LRP1: variants seen among roughly 807,000 people sequenced by gnomAD.
The protein encoded by LRP1 is prolow-density lipoprotein receptor-related protein 1.
Under a neutral mutation model 541.5 loss-of-function variants are expected in LRP1, and 51 were observed. The observed-to-expected ratio is 0.09, with a 90% CI of 0.08 to 0.12. LRP1 has a LOEUF of 0.12. Among genes scored for constraint, LRP1 ranks in the 10% least tolerant of loss-of-function variants. The pLI is 1.00. For synonymous variants in LRP1, 2,219 were observed against 2,470.8 expected (o/e 0.90, Z 3.02); for missense variants, 3,878 against 6,376.2 (o/e 0.61, Z 13.34).
chr12:57,160,081 AG>A (rs2035696912), intron 12 of LRP1, 76 bp downstream of exon 12: 1 of 1,470,782 alleles, frequency 6.8e-7, no homozygotes, highest in Admixed American at 1.8e-5. Context: ...TGAAATGGAC[AG>A]GGAAGCAGGG....
Position 57,158,320 on chromosome 12 carries a change from T to C in LRP1, c.1562-82T>C, listed in dbSNP as rs1209791386. On this transcript the variant is annotated intron_variant, in intron 10 of 88. Coordinates refer to ENST00000243077, the MANE Select transcript of LRP1 (RefSeq NM_002332.3). This position sits in a 1 kb window ranked among gnomAD's most constrained non-coding sequence, Gnocchi z 5.3. ...TCCTGACCCATCACAGCTAGGGCAT[T>C]GCAGCCCCTTGGCCGCAGCCCCTGG... 4 of 1,157,982 alleles carry C rather than the reference T, an allele frequency of 3.5e-6. No individual in the cohort carries two copies. Among genetic ancestry groups the C allele is most frequent in the Non-Finnish European group, 5.0e-6 (4 of 797,258 alleles). The allele number at this position is 1,157,982 out of a possible 1,614,324, so 71.7% of individuals were successfully genotyped here. A position where few individuals can be genotyped will look rare whatever the true frequency, so the allele number is the denominator to read the frequency against.
In LRP1 at chr12:57,128,532, A is replaced by G; in HGVS notation, c.-433A>G. On this transcript the variant is annotated 5_prime_UTR_variant, in exon 1 of 89. Coordinates refer to ENST00000243077, the MANE Select transcript of LRP1 (RefSeq NM_002332.3). The stretch of plus-strand genomic sequence containing the variant: ...CGAGCTCCAGGCCCATGCACTGAGG[A>G]GGCGGAAACAAGGGGAGCCCCCAGA... 4.3e-6 allele frequency: 1 copy of G among 231,592 alleles called. No homozygotes were observed. The highest frequency in any genetic ancestry group is 1.8e-4 in the South Asian group (1 of 5,558). 14.3% of individuals were successfully genotyped at this position (231,592 alleles called of 1,614,324 possible). A position where few individuals can be genotyped will look rare whatever the true frequency, so the allele number is the denominator to read the frequency against.
At chr12:57,133,154 TG>T (rs1271100653) in intron 1 of LRP1, among the ~76,000 whole-genome samples, 1 of 151,698 alleles carries the variant, frequency 6.6e-6, no homozygotes, top group African/African-American at 2.4e-5. Context: ...ATGTAAGGAG[TG>T]AGTCAAGAAC....
In LRP1 at chr12:57,179,117, G is replaced by T; in HGVS notation, c.4738+96G>T. Reference sequence around the variant, plus strand: ...GGTTGTCAGCTAAGGCAGAGTCCCAGTCGGGAGGGTCCCGATAGGAGAGGC... The same window carrying T: ...GGTTGTCAGCTAAGGCAGAGTCCCATTCGGGAGGGTCCCGATAGGAGAGGC... On this transcript the variant is annotated intron_variant, in intron 28 of 88. Coordinates refer to ENST00000243077, the MANE Select transcript of LRP1 (RefSeq NM_002332.3). The surrounding 1 kb of genome is among the most constrained non-coding windows in gnomAD (Gnocchi z 6.8). The T allele has an allele frequency of 2.0e-6, 3 of 1,501,150 alleles. No individual in the cohort carries two copies. Among genetic ancestry groups the T allele is most frequent in the South Asian group, 2.6e-5 (2 of 77,150 alleles). The allele number at this position is 1,501,150 out of a possible 1,614,324, so 93.0% of individuals were successfully genotyped here. A position where few individuals can be genotyped will look rare whatever the true frequency, so the allele number is the denominator to read the frequency against.
At position 57,166,967 on chromosome 12, in the gene LRP1, T is replaced by C; in HGVS notation, c.2835T>C (p.Ser945=). The change falls in exon 18 of 89, where the codon AGT becomes AGC. Residue 945 remains serine (S), a synonymous_variant. Coordinates refer to ENST00000243077, the MANE Select transcript of LRP1 (RefSeq NM_002332.3). The part of the protein sequence containing the change: ...TCPPNQFSCA[S]GRCIPISWTC... Reference sequence around the variant, plus strand: ...CCCCCAACCAGTTCTCCTGTGCCAGTGGCCGCTGCATCCCCATCTCCTGGA... The same window carrying C: ...CCCCCAACCAGTTCTCCTGTGCCAGCGGCCGCTGCATCCCCATCTCCTGGA... The C allele has an allele frequency of 6.2e-7, 1 of 1,614,094 alleles. No homozygotes were observed. Among genetic ancestry groups the C allele is most frequent in the Non-Finnish European group, 8.5e-7 (1 of 1,179,978 alleles).
rs34849929 is a variant in LRP1 at position 57,202,866 on chromosome 12, C to T, written c.10712-315C>T. On this transcript the variant is annotated intron_variant, in intron 68 of 88. Transcript: ENST00000243077. ...TCTACCCATCATCCTTGATTGACCT[C>T]TCCCCAAACCCTGGTGCTTGTCTCA... 1,797 of 567,002 alleles carry T rather than the reference C, an allele frequency of 3.2e-3. 22 individuals are homozygous for T. The highest frequency in any genetic ancestry group is 0.031 in the African/African-American group (1,649 of 53,428). 35.1% of individuals were successfully genotyped at this position (567,002 alleles called of 1,614,324 possible).
chr12:57,176,610 G>A (rs767217131), intron 24 of LRP1, among the ~76,000 whole-genome samples: 7 of 152,198 alleles, frequency 4.6e-5, no homozygotes, highest in African/African-American at 7.2e-5. Flanking sequence ...CATTTTACTA[G>A]AGAAGTTTGT....
chr12:57,162,217 C>G lies in LRP1; in HGVS notation c.2203-100C>G. 9.3e-7 allele frequency: 1 copy of G among 1,073,112 alleles called. No individual in the cohort carries two copies. The highest frequency in any genetic ancestry group is 1.4e-6 in the Non-Finnish European group (1 of 698,952). 66.5% of individuals were successfully genotyped at this position (1,073,112 alleles called of 1,614,324 possible). A position where few individuals can be genotyped will look rare whatever the true frequency, so the allele number is the denominator to read the frequency against. ...GCTAATGGGGGAAACAAAGCAAAAC[C>G]CATGCCCAGGACATAGACAAATGAA... On this transcript the variant is annotated intron_variant, in intron 13 of 88. Coordinates refer to ENST00000243077, the MANE Select transcript of LRP1 (RefSeq NM_002332.3). This position sits in a 1 kb window ranked among gnomAD's most constrained non-coding sequence, Gnocchi z 5.2.
At chr12:57,143,974 A>G (rs2035348894) in intron 4 of LRP1, among the ~76,000 whole-genome samples, 176 bp downstream of exon 4, 1 of 152,228 alleles carries the variant, frequency 6.6e-6, no homozygotes, top group African/African-American at 2.4e-5. Context: ...ATTTGCTTCC[A>G]CTAGACTTCT....
chr12:57,174,003 G>A, intron 22 of LRP1, 23 bp downstream of exon 22: 3 of 1,610,642 alleles, frequency 1.9e-6, no homozygotes, highest in Non-Finnish European at 2.5e-6. Flanking sequence ...CCCAGGAGAA[G>A]GGTAGGGAGG....
Position 57,145,426 on chromosome 12 carries a change from C to T in LRP1, c.777C>T (p.Ala259=). 1 of 1,614,168 alleles carries T rather than the reference C, an allele frequency of 6.2e-7. No homozygotes were observed. The highest frequency in any genetic ancestry group is 8.5e-7 in the Non-Finnish European group (1 of 1,180,038). ...DSAAQTQLKC[A]RMPGLKGFVD... is the part of the protein sequence containing the mutation. ...CTGCTCAGACGCAGCTCAAGTGTGC[C>T]CGCATGCCTGGCCTAAAGGGCTTCG... Residue 259 remains alanine, a synonymous_variant, in exon 6 of 89, where the codon GCC becomes GCT. Coordinates refer to ENST00000243077, the MANE Select transcript of LRP1 (RefSeq NM_002332.3).
At position 57,200,826 on chromosome 12, in the gene LRP1, G is replaced by GGGGCCCCC; in HGVS notation, c.10225+11_10225+12insGGGCCCCC. 1 of 1,581,438 alleles carries GGGGCCCCC rather than the reference G, an allele frequency of 6.3e-7. No individual in the cohort carries two copies. The highest frequency in any genetic ancestry group is 8.6e-7 in the Non-Finnish European group (1 of 1,157,680). On this transcript the variant is annotated intron_variant, in intron 64 of 88. Coordinates refer to ENST00000243077, the MANE Select transcript of LRP1 (RefSeq NM_002332.3). Reference sequence around the variant, plus strand: ...ACGAGGCCAACTGTGGTAAGGCGCTGCCCGCCCACCCTCCCTCCTTCCCCA... The same window carrying GGGGCCCCC: ...ACGAGGCCAACTGTGGTAAGGCGCTGGGGCCCCCCCCGCCCACCCTCCCTCCTTCCCCA...
Position 57,212,303 on chromosome 12 carries a change from G to T in LRP1, c.13494+42G>T. The T allele has an allele frequency of 6.2e-7, 1 of 1,612,704 alleles. No individual in the cohort carries two copies. The highest frequency in any genetic ancestry group is 8.5e-7 in the Non-Finnish European group (1 of 1,179,300). On this transcript the variant is annotated intron_variant, in intron 88 of 88. Transcript: ENST00000243077. This position sits in a 1 kb window ranked among gnomAD's most constrained non-coding sequence, Gnocchi z 5.0. ...GCAGGGTCGAGTGCCAAGAGGCCGT[G>T]GGTGGCCTAACCAAAGGTGTTGGGT... is the stretch of plus-strand genomic sequence containing the variant.
At position 57,176,048 on chromosome 12, in the gene LRP1, C is replaced by A. The variant is rs780400996; in HGVS notation, c.3933C>A (p.Leu1311=). 2 of 1,614,240 alleles carry A rather than the reference C, an allele frequency of 1.2e-6. No homozygotes were observed. The highest frequency in any genetic ancestry group is 3.3e-5 in the Admixed American group (2 of 60,036). ...ALDFHLSQSA[L]YWTDVVEDKI... is the part of the protein sequence containing the mutation. ...ACTTCCACCTCAGCCAGAGCGCCCT[C>A]TACTGGACCGACGTGGTGGAGGACA... The change falls in exon 24 of 89, where the codon CTC becomes CTA. Residue 1311 remains leucine (L), a synonymous_variant. Transcript: ENST00000243077.
chr12:57,212,572 A>T lies in LRP1; in HGVS notation c.*17A>T. 6.4e-7 allele frequency: 1 copy of T among 1,562,052 alleles called. No individual in the cohort carries two copies. On this transcript the variant is annotated 3_prime_UTR_variant, in exon 89 of 89. Coordinates refer to ENST00000243077, the MANE Select transcript of LRP1 (RefSeq NM_002332.3). This position sits in a 1 kb window ranked among gnomAD's most constrained non-coding sequence, Gnocchi z 5.0. ...TTGGCATAGGGCCCTGCCCCGTCGG[A>T]CTGCCCCCAGAAAGCCTCCTGCCCC...
In LRP1 at chr12:57,211,631, C is replaced by T. The variant is rs772627491; in HGVS notation, c.13193+43C>T. ...TTCACCCAGGCATAGATCATCGCTC[C>T]CTTCCCCAGATTTGAGCAGGAGGAC... On this transcript the variant is annotated intron_variant, in intron 85 of 88. Transcript: ENST00000243077. This position sits in a 1 kb window ranked among gnomAD's most constrained non-coding sequence, Gnocchi z 4.3. 9 of 1,607,472 alleles carry T rather than the reference C, an allele frequency of 5.6e-6. No individual in the cohort carries two copies. Among genetic ancestry groups the T allele is most frequent in the Non-Finnish European group, 7.7e-6 (9 of 1,174,122 alleles).
In LRP1 at chr12:57,199,355, C is replaced by T. The variant is rs2036600975; in HGVS notation, c.9820C>T (p.Arg3274Trp). The change falls in exon 61 of 89, where the codon CGG (arginine) becomes TGG (tryptophan). Residue 3274 changes from arginine (R) to tryptophan (W), a missense_variant. This residue lies in a region of LRP1 where 1,100 missense variants were observed against 1,827.4 expected (regional missense o/e 0.60). Coordinates refer to ENST00000243077, the MANE Select transcript of LRP1 (RefSeq NM_002332.3). Reference protein sequence around the residue: ...NKTLLISTLHRPMDLHVFHAL... With the variant: ...NKTLLISTLHWPMDLHVFHAL... ...AACGCTCCTCATCAGCACGCTGCAC[C>T]GGCCCATGGACCTGCATGTCTTCCA... 1.2e-6 allele frequency: 2 copies of T among 1,612,856 alleles called. No individual in the cohort carries two copies. The highest frequency in any genetic ancestry group is 1.7e-6 in the Non-Finnish European group (2 of 1,179,812).
chr12:57,167,839 G>A (rs1038129744), intron 19 of LRP1, among the ~76,000 whole-genome samples: 2 of 152,194 alleles, frequency 1.3e-5, no homozygotes, highest in Non-Finnish European at 2.9e-5. Context: ...AGGAGAAACC[G>A]GTGCCTGACT....
At chr12:57,132,385 C>T (rs2035055319) in intron 1 of LRP1, among the ~76,000 whole-genome samples, 1 of 152,180 alleles carries the variant, frequency 6.6e-6, no homozygotes, top group Non-Finnish European at 1.5e-5. Context: ...ATTTTCCTCC[C>T]TCCTTTCTAC....
Sources: allele counts gnomAD v4.1 joint callset (sites outside exome capture counted in the v4.1 genomes callset), GRCh38; gene constraint gnomAD v4.1.1; regional missense constraint gnomAD v4.1.1; non-coding constraint Gnocchi (gnomAD v3.1); transcripts MANE v1.5; gene names NCBI Gene and HGNC (gene_info 2026-07-23, HGNC 2026-07-21).